Variants in LPIN2 observed in about 807,000 individuals in gnomAD.
The protein encoded by LPIN2 is lipin 2, also known as phosphatidate phosphatase LPIN2.
LPIN2 carries 55 observed loss-of-function variants against 111.4 expected under a neutral mutation model. The ratio of observed to expected loss-of-function variants is 0.49; its 90% CI spans 0.40 to 0.62. The LOEUF (loss-of-function observed/expected upper bound fraction) is 0.62. Ranked by LOEUF, LPIN2 falls within the 20% of genes least tolerant of loss-of-function variation. The probability of loss-of-function intolerance (pLI) is 0.00; values close to 1 mark genes in which losing one functional copy is unlikely to be tolerated. For synonymous variants in LPIN2, 425 were observed against 414.0 expected (o/e 1.03, Z -0.32); for missense variants, 992 against 1,112.1 (o/e 0.89, Z 1.54).
rs754609398 is a variant in LPIN2, at chr18:2,946,114, AT to A, written c.590+4940del. 5 of 1,578,576 alleles carry A rather than the reference AT, an allele frequency of 3.2e-6. No homozygotes were observed. The Admixed American group carries it at 6.7e-5, about 21-fold the overall frequency. On this transcript the variant is annotated intron_variant, in intron 4 of 19. Transcript: ENST00000677752. ...AATTTCATCATTGTCTTCTTTTCTT[AT>A]TTTCTTCATTCCCTGATGACAGTTT...
chr18:2,995,770 C>T (rs1598608084), intron 1 of LPIN2, among the ~76,000 whole-genome samples: 1 of 152,286 alleles, frequency 6.6e-6, no homozygotes, highest in East Asian at 1.9e-4. Flanking sequence ...TAAAGATTTT[C>T]CACCGCTGGG....
intron 1 of LPIN2, among the ~76,000 whole-genome samples, chr18:2,969,940 G>C (rs2077878489): frequency 6.6e-6 from 1 of 152,168 alleles, no homozygotes; most frequent in Non-Finnish European, 1.5e-5. Context: ...GATAAGTGTG[G>C]ATCAGAAGTG....
At chr18:2,960,470 A>G in intron 2 of LPIN2, 179 bp downstream of exon 2, 2 of 661,868 alleles carry the variant, frequency 3.0e-6, no homozygotes, top group Non-Finnish European at 5.3e-6. Context: ...AAAGCAATAC[A>G]TAAAGGTTGA....
In LPIN2 at chr18:2,920,416, G is replaced by C. The variant is rs149862905; in HGVS notation, c.2568C>G (p.Leu856=). The change falls in exon 20 of 20, where the codon CTC becomes CTG. Residue 856 remains leucine (L), a synonymous_variant. Transcript: ENST00000677752. ...TGAGAAGGGGGAACACATGCTCCAC[G>C]AGCTCACTCAGCCTGTGATACCTAA... is the stretch of plus-strand genomic sequence containing the variant. The part of the protein sequence containing the change: ...NKSSYHRLSE[L]VEHVFPLLSK... 1 of 1,613,842 alleles carries C rather than the reference G, an allele frequency of 6.2e-7. No homozygotes were observed. Among genetic ancestry groups the C allele is most frequent in the Non-Finnish European group, 8.5e-7 (1 of 1,180,034 alleles).
intron 8 of LPIN2, among the ~76,000 whole-genome samples, chr18:2,932,750 T>A (rs1446995200): frequency 6.6e-6 from 1 of 152,224 alleles, no homozygotes; most frequent in Non-Finnish European, 1.5e-5. Context: ...GGCCCTCTCC[T>A]ATGCGATGCT....
intron 8 of LPIN2, among the ~76,000 whole-genome samples, chr18:2,933,496 G>A (rs931673588): frequency 1.3e-5 from 2 of 152,154 alleles, no homozygotes; most frequent in Non-Finnish European, 2.9e-5. Context: ...TAGATATGTT[G>A]AGATAAATTT....
intron 1 of LPIN2, among the ~76,000 whole-genome samples, chr18:2,994,215 T>A (rs2078306993): frequency 6.6e-6 from 1 of 152,236 alleles, no homozygotes; most frequent in Admixed American, 6.5e-5. Context: ...GCTCTGTGTA[T>A]CATAAACCCA....
At chr18:2,970,470 ACT>A (rs1429584525) in intron 1 of LPIN2, among the ~76,000 whole-genome samples, 1 of 152,242 alleles carries the variant, frequency 6.6e-6, no homozygotes, top group Non-Finnish European at 1.5e-5. Flanking sequence ...AGCTTGGAAC[ACT>A]GACACCCCAG....
Position 2,937,679 on chromosome 18 carries a change from A to G in LPIN2, c.1168+13T>C. 1 of 1,611,556 alleles carries G rather than the reference A, an allele frequency of 6.2e-7. No individual in the cohort carries two copies. On this transcript the variant is annotated intron_variant, in intron 7 of 19. Coordinates refer to ENST00000677752, the MANE Select transcript of LPIN2 (RefSeq NM_001375808.2). The stretch of plus-strand genomic sequence containing the variant: ...TTTGAGAGTACCTGGAGCCAAATTA[A>G]ACAAACGATTACCTTTCTTCTTTGA...
intron 1 of LPIN2, among the ~76,000 whole-genome samples, chr18:2,974,469 T>C (rs1167907901): frequency 6.6e-6 from 1 of 152,232 alleles, no homozygotes; most frequent in East Asian, 1.9e-4. Flanking sequence ...ACGTAACTGT[T>C]TTTTAAGTTT....
At chr18:2,943,194 G>GT (rs200130366) in intron 4 of LPIN2, among the ~76,000 whole-genome samples, 34 of 105,838 alleles carry the variant, frequency 3.2e-4, no homozygotes, top group East Asian at 8.9e-4. Flanking sequence ...TTATACCTCA[G>GT]TTTTTTTTCT....
At chr18:2,976,050 G>A (rs1225187659) in intron 1 of LPIN2, among the ~76,000 whole-genome samples, 1 of 152,138 alleles carries the variant, frequency 6.6e-6, no homozygotes, top group East Asian at 1.9e-4. Context: ...TGGAAACAAA[G>A]TAATATATTA....
In LPIN2 at chr18:3,001,594, A is replaced by G. The variant is rs537099734; in HGVS notation, c.-10+11493T>C. Among the ~76,000 whole-genome samples, 34 of 151,496 alleles carry G rather than the reference A, an allele frequency of 2.2e-4. No homozygotes were observed. The South Asian group carries it at 6.5e-3, about 29-fold the overall frequency. ...GAACCTTCATCTTGCAGCGTAGGAA[A>G]TCAATAGAGAAGGTCTAAAATGAAA... On this transcript the variant is annotated intron_variant, in intron 1 of 19. Transcript: ENST00000677752.
At chr18:2,933,015 C>T (rs1263821227) in intron 8 of LPIN2, among the ~76,000 whole-genome samples, 2 of 152,078 alleles carry the variant, frequency 1.3e-5, no homozygotes, top group Admixed American at 6.6e-5. Context: ...ATGGGGATGC[C>T]GTCTGACTCA....
chr18:2,979,288 C>CA (rs2078069911), intron 1 of LPIN2, among the ~76,000 whole-genome samples: 1 of 152,174 alleles, frequency 6.6e-6, no homozygotes, highest in Admixed American at 6.5e-5. Flanking sequence ...ATCACATCTA[C>CA]AAAACAGGGC....
At chr18:2,934,847 A>G (rs903748509) in intron 7 of LPIN2, among the ~76,000 whole-genome samples, 2 of 152,250 alleles carry the variant, frequency 1.3e-5, no homozygotes, top group African/African-American at 4.8e-5. Flanking sequence ...GTCTGGGCAC[A>G]GGATATTCAC....
intron 16 of LPIN2, among the ~76,000 whole-genome samples, chr18:2,923,499 A>C (rs2077086836): frequency 6.6e-6 from 1 of 152,098 alleles, no homozygotes; most frequent in Admixed American, 6.6e-5. Context: ...CTATCTTATT[A>C]AATTCTAGCT....
intron 1 of LPIN2, among the ~76,000 whole-genome samples, chr18:2,989,096 A>T (rs909477210): frequency 6.6e-6 from 1 of 152,212 alleles, no homozygotes; most frequent in Non-Finnish European, 1.5e-5. Context: ...TCTGATCTAC[A>T]CAATTCTCAT....
intron 2 of LPIN2, among the ~76,000 whole-genome samples, chr18:2,960,279 T>C (rs1443009009): frequency 6.6e-6 from 1 of 151,762 alleles, no homozygotes; most frequent in African/African-American, 2.4e-5. Flanking sequence ...CCTAAGTATT[T>C]AAAAATACTA....
Sources: allele counts gnomAD v4.1 joint callset (sites outside exome capture counted in the v4.1 genomes callset), GRCh38; gene constraint gnomAD v4.1.1; transcripts MANE v1.5; gene names NCBI Gene and HGNC (gene_info 2026-07-23, HGNC 2026-07-21).